GTPBP3: variants seen among roughly 807,000 people sequenced by gnomAD.
The protein encoded by GTPBP3 is 5-taurinomethyluridine-[tRNA] synthase subunit GTPB3, mitochondrial.
Under a neutral mutation model 42.0 loss-of-function variants are expected in GTPBP3, and 35 were observed. That is an observed-to-expected ratio of 0.83 (90% CI 0.64 to 1.10). The LOEUF (loss-of-function observed/expected upper bound fraction) is 1.10, where lower values mean the gene tolerates loss of function less well. Ranked by LOEUF, GTPBP3 falls within the 50% of genes least tolerant of loss-of-function variation. The pLI, the probability that GTPBP3 is intolerant of heterozygous loss-of-function variation, is 0.00. For synonymous variants in GTPBP3, 332 were observed against 314.9 expected, an observed-to-expected ratio of 1.05 and a Z score of -0.58; for missense variants, 691 against 685.2, an observed-to-expected ratio of 1.01 and a Z score of -0.09.
At position 17,339,459 on chromosome 19, in the gene GTPBP3, C is replaced by T. The variant is rs142058767; in HGVS notation, c.834C>T (p.Ser278=). 6.2e-6 allele frequency: 10 copies of T among 1,613,804 alleles called. No homozygotes were observed. The highest frequency in any genetic ancestry group is 8.5e-6 in the Non-Finnish European group (10 of 1,179,988). Residue 278 remains serine, a synonymous_variant, in exon 7 of 9, where the codon TCC becomes TCT. Transcript: ENST00000324894. ...LLSRKPVSIV[S]PEPGTTRDVL... is the part of the protein sequence containing the mutation. Reference sequence around the variant, plus strand: ...GTCGGAAGCCTGTGTCCATCGTGTCCCCGGAGCCAGGGACCACCCGTGACG... The same window carrying T: ...GTCGGAAGCCTGTGTCCATCGTGTCTCCGGAGCCAGGGACCACCCGTGACG...
Position 17,338,699 on chromosome 19 carries a change from G to C in GTPBP3, c.549G>C (p.Glu183Asp). The C allele has an allele frequency of 6.2e-7, 1 of 1,613,172 alleles. No homozygotes were observed. The highest frequency in any genetic ancestry group is 2.2e-5 in the East Asian group (1 of 44,878). ...RRQALRQLDG[E>D]LGHLCRGWAE... ...AGGCCCTCAGGCAGCTGGACGGAGA[G>C]CTGGGCCACCTCTGCCGTGGCTGGG... The change falls in exon 4 of 9, where the codon GAG becomes GAC. Residue 183 changes from glutamate (E) to aspartate (D), a missense_variant. Glu to Asp is a conservative substitution (Grantham distance 45). Coordinates refer to ENST00000324894, the MANE Select transcript of GTPBP3 (RefSeq NM_032620.4).
In GTPBP3 at chr19:17,341,300, C is replaced by T; in HGVS notation, c.1231C>T (p.Leu411=). ...GEGLDGLLEA[L]RKELAAVCGD... The stretch of plus-strand genomic sequence containing the variant: ...GGGGCTGGACGGCCTCCTGGAGGCG[C>T]TGAGGAAGGAGCTAGCTGCAGTGTG... The change falls in exon 8 of 9, where the codon CTG becomes TTG. Residue 411 remains leucine, a synonymous_variant. Transcript: ENST00000324894. 1 of 1,603,706 alleles carries T rather than the reference C, an allele frequency of 6.2e-7. No individual in the cohort carries two copies. Among genetic ancestry groups the T allele is most frequent in the Non-Finnish European group, 8.5e-7 (1 of 1,178,972 alleles).
Position 17,341,795 on chromosome 19 carries a change from G to C in GTPBP3, c.*92G>C, listed in dbSNP as rs1568368751. On this transcript the variant is annotated 3_prime_UTR_variant, in exon 9 of 9. Coordinates refer to ENST00000324894, the MANE Select transcript of GTPBP3 (RefSeq NM_032620.4). The stretch of plus-strand genomic sequence containing the variant: ...TTTAGGCCAATTGGGATTCTCATTC[G>C]CCTGGGAAAGAACTTGATTCTCAAA... 5 of 1,113,670 alleles carry C rather than the reference G, an allele frequency of 4.5e-6. No individual in the cohort carries two copies. In the East Asian group the frequency reaches 1.2e-4, roughly 27 times the overall value. The allele number at this position is 1,113,670 out of a possible 1,614,324, so 69.0% of individuals were successfully genotyped here.
upstream of GTPBP3, chr19:17,337,307 T>C: frequency 3.0e-6 from 1 of 337,338 alleles, no homozygotes; most frequent in Non-Finnish European, 5.3e-6. Flanking sequence ...CTGTCCTTTC[T>C]TCCATTCCTT....
At position 17,338,033 on chromosome 19, in the gene GTPBP3, G is replaced by C; in HGVS notation, c.79G>C (p.Ala27Pro). The C allele has an allele frequency of 2.5e-6, 4 of 1,597,816 alleles. No individual in the cohort carries two copies. Among genetic ancestry groups the C allele is most frequent in the South Asian group, 1.1e-5 (1 of 91,018 alleles). Residue 27 changes from alanine (A) to proline (P), a missense_variant, in exon 2 of 9, where the codon GCA (alanine) becomes CCA (proline). Ala to Pro is a conservative substitution (Grantham distance 27). Coordinates refer to ENST00000324894, the MANE Select transcript of GTPBP3 (RefSeq NM_032620.4). ...ATTGTGCACGCGCCGGAGCAGCGGCGCACCAGCCCCCGGCTCCGGCGCCAC... is the reference window on the plus strand; with the variant it reads ...ATTGTGCACGCGCCGGAGCAGCGGCCCACCAGCCCCCGGCTCCGGCGCCAC... ...RRLCTRRSSG[A>P]PAPGSGATIF...
upstream of GTPBP3, among the ~76,000 whole-genome samples, chr19:17,335,566 C>CAT (rs897057686): frequency 1.3e-5 from 2 of 152,024 alleles, no homozygotes; most frequent in Non-Finnish European, 2.9e-5. Context: ...GTCTCAAATA[C>CAT]ATATATATAC....
Position 17,339,226 on chromosome 19 carries a change from A to G in GTPBP3, c.768A>G (p.Gly256=). The G allele has an allele frequency of 6.2e-7, 1 of 1,610,414 alleles. No homozygotes were observed. Among genetic ancestry groups the G allele is most frequent in the Non-Finnish European group, 8.5e-7 (1 of 1,179,446 alleles). Residue 256 remains glycine (G), a synonymous_variant, in exon 6 of 9, where the codon GGA becomes GGG. Transcript: ENST00000324894. ...CAGGGGTGCACGTAGTGGTCACTGG[A>G]CCCCCCAATGCGGGCAAGAGCAGCC... The part of the protein sequence containing the change: ...LRSGVHVVVT[G]PPNAGKSSLV...
At chr19:17,341,410 A>G (rs2145706787) in intron 8 of GTPBP3, 68 bp from the exon 9 acceptor site, 3 of 1,564,082 alleles carry the variant, frequency 1.9e-6, no homozygotes, top group Non-Finnish European at 2.6e-6. Flanking sequence ...CAAAATGGGT[A>G]CAACCATTTC....
At position 17,338,624 on chromosome 19, in the gene GTPBP3, G is replaced by T. The variant is rs1233757516; in HGVS notation, c.474G>T (p.Val158=). The part of the protein sequence containing the change: ...FANGKLNLTE[V]EGLADLIHAE... ...ATGGGAAGCTGAACCTGACCGAAGT[G>T]GAGGGGCTGGCGGACCTTATCCACG... Residue 158 remains valine (V), a synonymous_variant, in exon 4 of 9, where the codon GTG becomes GTT. Coordinates refer to ENST00000324894, the MANE Select transcript of GTPBP3 (RefSeq NM_032620.4). 3 of 1,613,966 alleles carry T rather than the reference G, an allele frequency of 1.9e-6. No homozygotes were observed. The highest frequency in any genetic ancestry group is 2.5e-6 in the Non-Finnish European group (3 of 1,179,980).
Position 17,342,729 on chromosome 19 carries a change from C to G in GTPBP3, c.*1026C>G, listed in dbSNP as rs903107302. On this transcript the variant is annotated 3_prime_UTR_variant, in exon 9 of 9. Transcript: ENST00000324894. ...TATAAATGGTATTGTGTTCATTGCTCTACAAATTGTCATTTCTTTTTAAAA... is the reference window on the plus strand; with the variant it reads ...TATAAATGGTATTGTGTTCATTGCTGTACAAATTGTCATTTCTTTTTAAAA... 1.3e-5 allele frequency: 2 copies of G among 151,106 alleles called. No individual in the cohort carries two copies. Among genetic ancestry groups the G allele is most frequent in the Admixed American group, 6.6e-5 (1 of 15,054 alleles). 9.4% of individuals were successfully genotyped at this position (151,106 alleles called of 1,614,324 possible).
upstream of GTPBP3, chr19:17,335,057 G>C (rs1284535908): frequency 6.5e-7 from 1 of 1,536,048 alleles, no homozygotes. Flanking sequence ...TCCCCGCCTC[G>C]GAGCCTCAGT....
rs772790542 is a variant in GTPBP3 at position 17,339,261 on chromosome 19, T to G, written c.803T>G (p.Leu268Arg). The G allele has an allele frequency of 1.2e-6, 2 of 1,602,632 alleles. No individual in the cohort carries two copies. The highest frequency in any genetic ancestry group is 2.2e-5 in the South Asian group (2 of 90,592). The change falls in exon 6 of 9, where the codon CTG becomes CGG. Residue 268 changes from leucine (L) to arginine (R), a missense_variant. Physicochemically the swap from Leu to Arg is moderately radical, Grantham distance 102. Coordinates refer to ENST00000324894, the MANE Select transcript of GTPBP3 (RefSeq NM_032620.4). ...GCGGGCAAGAGCAGCCTAGTGAACC[T>G]GCTCAGTGAGTAGGCGGCGGGAAGG... ...PNAGKSSLVN[L>R]LSRKPVSIVS...
upstream of GTPBP3, chr19:17,337,252 T>A (rs2074375850): frequency 1.3e-5 from 3 of 226,036 alleles, no homozygotes; most frequent in Admixed American, 1.2e-4. Context: ...AATGCGGGAC[T>A]CAAAACCTCC....
At chr19:17,335,451 T>C (rs1268569979), upstream of GTPBP3, among the ~76,000 whole-genome samples, 1 of 152,066 alleles carries the variant, frequency 6.6e-6, no homozygotes, top group Non-Finnish European at 1.5e-5. Context: ...TCCCAGCTAC[T>C]TGGGAGGCTG....
rs371511579 is a variant in GTPBP3, at chr19:17,338,349, C to T, written c.302-16C>T. 1.1e-5 allele frequency: 17 copies of T among 1,613,528 alleles called. No individual in the cohort carries two copies. The highest frequency in any genetic ancestry group is 4.4e-5 in the South Asian group (4 of 91,032). On this transcript the variant is annotated splice_polypyrimidine_tract_variant and intron_variant, in intron 2 of 8. Transcript: ENST00000324894. ...ACTGGCTGTGCTGTCCTCCTGTCAC[C>T]TGTCTGTCACATTAGGTCCCCAGAG...
rs376814867 is a variant in GTPBP3, at chr19:17,338,262, G to T, written c.301+7G>T. ...CTGGTGCTCTGGTTCCCAGGTGAGGGTCCCCAGGTTCCGAGCCTCCTGTAG... is the reference window on the plus strand; with the variant it reads ...CTGGTGCTCTGGTTCCCAGGTGAGGTTCCCCAGGTTCCGAGCCTCCTGTAG... On this transcript the variant is annotated splice_region_variant and intron_variant, in intron 2 of 8. Coordinates refer to ENST00000324894, the MANE Select transcript of GTPBP3 (RefSeq NM_032620.4). 56 of 1,594,390 alleles carry T rather than the reference G, an allele frequency of 3.5e-5. No individual in the cohort carries two copies. The highest frequency in any genetic ancestry group is 4.6e-5 in the Non-Finnish European group (54 of 1,173,290).
At chr19:17,335,479 G>T (rs1307255968), upstream of GTPBP3, among the ~76,000 whole-genome samples, 1 of 152,166 alleles carries the variant, frequency 6.6e-6, no homozygotes, top group Non-Finnish European at 1.5e-5. Flanking sequence ...AGAATCGCTT[G>T]TGCTCAGGAG....
chr19:17,338,806 C>T (rs2074396125), intron 4 of GTPBP3, 65 bp downstream of exon 4: 4 of 1,543,740 alleles, frequency 2.6e-6, no homozygotes, highest in Non-Finnish European at 3.5e-6. Flanking sequence ...TGCATGAGAC[C>T]CCCTCTCAAT....
chr19:17,335,854 TAACTAGCTTGTTACAGATGTAAC>T (rs1199607018), upstream of GTPBP3, among the ~76,000 whole-genome samples: 8 of 29,696 alleles, frequency 2.7e-4, no homozygotes, highest in Non-Finnish European at 5.4e-4. Context: ...ACAGATGTAA[TAACTAGCTTGTTACAGATGTAAC>T]AACTAGAGAA....
Sources: gnomAD v4.1 joint callset for allele counts (sites outside exome capture counted in the v4.1 genomes callset) on GRCh38, gnomAD v4.1.1 for gene constraint, MANE v1.5 for transcripts, NCBI Gene and HGNC (gene_info 2026-07-23, HGNC 2026-07-21) for gene names.